CNTNAP2: variants seen among roughly 807,000 people sequenced by gnomAD.
The protein encoded by CNTNAP2 is contactin associated protein 2.
A neutral mutation model predicts 155.2 loss-of-function variants in CNTNAP2; 98 were observed. The observed-to-expected ratio is 0.63, with a 90% CI of 0.54 to 0.75. CNTNAP2 has a LOEUF of 0.75. Ranked by LOEUF, CNTNAP2 falls within the 30% of genes least tolerant of loss-of-function variation. The probability of loss-of-function intolerance (pLI) is 0.00; values close to 1 mark genes in which losing one functional copy is unlikely to be tolerated. For synonymous variants in CNTNAP2, 651 were observed against 631.2 expected, an observed-to-expected ratio of 1.03 and a Z score of -0.47; for missense variants, 1,727 against 1,688.1, an observed-to-expected ratio of 1.02 and a Z score of -0.40.
chr7:146,395,779 T>TAGATGATA (rs11462122), intron 1 of CNTNAP2, among the ~76,000 whole-genome samples: 3 of 122,018 alleles, frequency 2.5e-5, no homozygotes, highest in Admixed American at 7.9e-5. Flanking sequence ...GATAGACAGA[T>TAGATGATA]GATAGATAGA....
chr7:146,212,289 A>G (rs894629934), intron 1 of CNTNAP2, among the ~76,000 whole-genome samples: 1 of 152,120 alleles, frequency 6.6e-6, no homozygotes, highest in Non-Finnish European at 1.5e-5. Context: ...TATTTGACTT[A>G]CTAAATAAAT....
At chr7:146,547,536 A>G (rs1325212841) in intron 1 of CNTNAP2, among the ~76,000 whole-genome samples, 1 of 151,802 alleles carries the variant, frequency 6.6e-6, no homozygotes, top group African/African-American at 2.4e-5. Flanking sequence ...ATGGTCTTTG[A>G]TTTGGCTATT....
At chr7:147,082,498 CCAG>C (rs1430389167) in intron 4 of CNTNAP2, 3 of 152,066 alleles carry the variant, frequency 2.0e-5, no homozygotes, top group Non-Finnish European at 4.4e-5. Context: ...AGCCACGTAC[CCAG>C]CTAAAAGCTG....
rs1472243747 is a variant in CNTNAP2 at position 147,233,582 on chromosome 7, G to C, written c.1349-66559G>C. Among the ~76,000 whole-genome samples, 3 of 106,008 alleles carry C rather than the reference G, an allele frequency of 2.8e-5. No individual in the cohort carries two copies. The South Asian group carries it at 7.8e-4, about 27-fold the overall frequency. The allele number at this position is 106,008 out of a possible 152,430, so 69.5% of individuals were successfully genotyped here. A position where few individuals can be genotyped will look rare whatever the true frequency, so the allele number is the denominator to read the frequency against. The stretch of plus-strand genomic sequence containing the variant: ...GAACCATAAAATTTTGACCAAAAAA[G>C]CAAAAAAAAAAAAATGCAACAAAAA... On this transcript the variant is annotated intron_variant, in intron 8 of 23. Transcript: ENST00000361727.
At chr7:146,229,169 A>AGT (rs1799343415) in intron 1 of CNTNAP2, among the ~76,000 whole-genome samples, 1 of 152,200 alleles carries the variant, frequency 6.6e-6, no homozygotes, top group East Asian at 1.9e-4. Flanking sequence ...TATTCAATGA[A>AGT]TTGCCATCGG....
At position 147,013,318 on chromosome 7, in the gene CNTNAP2, G is replaced by T. The variant is rs147625077; in HGVS notation, c.403-30589G>T. The stretch of plus-strand genomic sequence containing the variant: ...TTGAGGGGTGTACTAGACCTGGAGG[G>T]AAGTGAAGGAAATATTAAAACTTCC... On this transcript the variant is annotated intron_variant, in intron 3 of 23. Coordinates refer to ENST00000361727, the MANE Select transcript of CNTNAP2 (RefSeq NM_014141.6). Among the ~76,000 whole-genome samples the T allele has an allele frequency of 6.2e-4, 94 of 152,192 alleles. No individual in the cohort carries two copies. In the East Asian group the frequency reaches 0.015, roughly 25 times the overall value.
intron 4 of CNTNAP2, among the ~76,000 whole-genome samples, chr7:147,073,099 G>T (rs572308830): frequency 6.9e-6 from 1 of 144,364 alleles, no homozygotes; most frequent in Non-Finnish European, 1.5e-5. Flanking sequence ...TGATCCACCC[G>T]CCTCGGCCTC....
intron 15 of CNTNAP2, among the ~76,000 whole-genome samples, chr7:148,051,766 A>C (rs1224170745): frequency 6.6e-6 from 1 of 152,258 alleles, no homozygotes; most frequent in African/African-American, 2.4e-5. Context: ...AGAATTACAG[A>C]CTTCAATGTG....
intron 7 of CNTNAP2, 133 bp from the exon 8 acceptor site, chr7:147,132,112 G>A: frequency 1.8e-6 from 2 of 1,133,294 alleles, no homozygotes; most frequent in Non-Finnish European, 2.6e-6. Context: ...TCCATGCTCT[G>A]CTGCTGTGTG....
At chr7:147,444,373 C>T (rs951531258) in intron 10 of CNTNAP2, among the ~76,000 whole-genome samples, 3 of 152,008 alleles carry the variant, frequency 2.0e-5, no homozygotes, top group Admixed American at 6.6e-5. Context: ...TCTGTAAACA[C>T]CTATCCTCAA....
intron 13 of CNTNAP2, among the ~76,000 whole-genome samples, chr7:147,685,612 A>G (rs568551915): frequency 6.6e-6 from 1 of 152,018 alleles, no homozygotes; most frequent in Non-Finnish European, 1.5e-5. Context: ...AAAAAAACAG[A>G]TGACAAATCG....
chr7:146,925,837 T>TA (rs892259675), intron 3 of CNTNAP2, among the ~76,000 whole-genome samples: 1 of 152,108 alleles, frequency 6.6e-6, no homozygotes, highest in Non-Finnish European at 1.5e-5. Context: ...TCAGGGCACA[T>TA]ACAAAATCTC....
intron 13 of CNTNAP2, among the ~76,000 whole-genome samples, chr7:147,794,552 T>A (rs1167907399): frequency 2.0e-5 from 3 of 151,896 alleles, no homozygotes; most frequent in Non-Finnish European, 4.4e-5. Flanking sequence ...TAGCATTTCA[T>A]TGAAGTTTTT....
intron 14 of CNTNAP2, among the ~76,000 whole-genome samples, chr7:147,906,209 T>G (rs531976557): frequency 1.6e-4 from 25 of 151,978 alleles, no homozygotes; most frequent in Admixed American, 6.6e-4. Context: ...ATTTTTTTTT[T>G]GAGATGGGGT....
At position 147,690,184 on chromosome 7, in the gene CNTNAP2, C is replaced by T. The variant is rs116854899; in HGVS notation, c.2098+50878C>T. On this transcript the variant is annotated intron_variant, in intron 13 of 23. Transcript: ENST00000361727. ...CTGTGTTGTGGCCCTGTTTCACTAA[C>T]GTTACCTTGCTCGGCTGGCAGTTTC... Among the ~76,000 whole-genome samples, 95 of 152,226 alleles carry T rather than the reference C, an allele frequency of 6.2e-4. 3 individuals carry two copies. In the East Asian group the frequency reaches 0.015, roughly 25 times the overall value.
At chr7:148,173,418 C>A (rs2972113) in intron 18 of CNTNAP2, among the ~76,000 whole-genome samples, 2 of 152,110 alleles carry the variant, frequency 1.3e-5, no homozygotes, top group African/African-American at 4.8e-5. Flanking sequence ...ACATAAGTAG[C>A]CTGTTCAGAC....
intron 1 of CNTNAP2, among the ~76,000 whole-genome samples, chr7:146,248,390 C>G (rs1799699187): frequency 6.6e-6 from 1 of 152,108 alleles, no homozygotes; most frequent in African/African-American, 2.4e-5. Context: ...AGGCAGGCAT[C>G]CCTGCGTGGT....
intron 1 of CNTNAP2, among the ~76,000 whole-genome samples, chr7:146,304,813 G>T (rs1800679292): frequency 6.6e-6 from 1 of 151,958 alleles, no homozygotes; most frequent in Admixed American, 6.6e-5. Flanking sequence ...TTTGAATGTT[G>T]GCCTGCCTTG....
At chr7:146,725,865 C>T (rs563609959) in intron 1 of CNTNAP2, among the ~76,000 whole-genome samples, 7 of 152,234 alleles carry the variant, frequency 4.6e-5, no homozygotes, top group Admixed American at 1.3e-4. Flanking sequence ...CCTTGAAAAA[C>T]CCTAGCCTCT....
Sources: allele counts gnomAD v4.1 joint callset (sites outside exome capture counted in the v4.1 genomes callset), GRCh38; gene constraint gnomAD v4.1.1; transcripts MANE v1.5; gene names NCBI Gene and HGNC (gene_info 2026-07-23, HGNC 2026-07-21).